The following CDYL2 variants were observed in gnomAD, a reference collection of about 807,000 sequenced individuals.
The protein encoded by CDYL2 is chromodomain Y like 2, also known as chromodomain Y-like protein 2.
Under a neutral mutation model 49.4 loss-of-function variants are expected in CDYL2, and 23 were observed. The ratio of observed to expected loss-of-function variants is 0.47; its 90% CI spans 0.34 to 0.66. The LOEUF (loss-of-function observed/expected upper bound fraction) is 0.66. CDYL2 is among the 30% of genes least tolerant of loss of function. The pLI is 0.01. For synonymous variants in CDYL2, 360 were observed against 268.8 expected, an observed-to-expected ratio of 1.34 and a Z score of -3.32; for missense variants, 678 against 656.4, an observed-to-expected ratio of 1.03 and a Z score of -0.36.
Position 80,787,273 on chromosome 16 carries a change from G to A in CDYL2, c.24+16877C>T, listed in dbSNP as rs572920621. 2.4e-4 allele frequency among the ~76,000 whole-genome samples: 37 copies of A among 152,264 alleles called. 1 individual carries two copies. In the South Asian group the frequency reaches 7.0e-3, roughly 29 times the overall value. On this transcript the variant is annotated intron_variant, in intron 1 of 6. Transcript: ENST00000570137. ...AGCCAGCCAGGAAATGGAACTGAGA[G>A]GTCTTGGGGACAGAATTCATTGTTC...
chr16:80,665,957 A>G (rs1025669070), intron 2 of CDYL2, among the ~76,000 whole-genome samples: 5 of 152,274 alleles, frequency 3.3e-5, no homozygotes, highest in Admixed American at 1.3e-4. Context: ...CCTAGGATCA[A>G]TGAAAAAACG....
intron 2 of CDYL2, among the ~76,000 whole-genome samples, chr16:80,668,991 T>G (rs907030734): frequency 4.6e-5 from 7 of 151,828 alleles, no homozygotes; most frequent in African/African-American, 4.8e-5. Flanking sequence ...ATTTGTAACT[T>G]TAGAAAACAA....
At chr16:80,675,979 G>A (rs1161650084) in intron 2 of CDYL2, among the ~76,000 whole-genome samples, 1 of 152,098 alleles carries the variant, frequency 6.6e-6, no homozygotes, top group African/African-American at 2.4e-5. Context: ...CCTTGACAGT[G>A]GTCAAGACTC....
chr16:80,728,624 C>A (rs977902065), intron 1 of CDYL2, among the ~76,000 whole-genome samples: 1 of 151,568 alleles, frequency 6.6e-6, no homozygotes. Flanking sequence ...TCAAGAAGAG[C>A]AACTCCAAGA....
chr16:80,713,144 A>G (rs1438631427), intron 1 of CDYL2, among the ~76,000 whole-genome samples: 2 of 152,182 alleles, frequency 1.3e-5, no homozygotes, highest in Non-Finnish European at 2.9e-5. Flanking sequence ...GCTGCAGTCT[A>G]TGGCTTTTTC....
chr16:80,629,430 G>C (rs1247720602), intron 3 of CDYL2, among the ~76,000 whole-genome samples: 2 of 152,212 alleles, frequency 1.3e-5, no homozygotes, highest in African/African-American at 2.4e-5. Context: ...GCCACGACAA[G>C]AGCGGTGTGA....
At chr16:80,625,120 C>T (rs1907245444) in intron 3 of CDYL2, among the ~76,000 whole-genome samples, 1 of 152,296 alleles carries the variant, frequency 6.6e-6, no homozygotes, top group African/African-American at 2.4e-5. Flanking sequence ...CATAAAATAA[C>T]ATAAACTTAT....
intron 1 of CDYL2, among the ~76,000 whole-genome samples, chr16:80,686,084 G>A (rs987246535): frequency 1.3e-5 from 2 of 152,154 alleles, no homozygotes; most frequent in African/African-American, 2.4e-5. Context: ...AAGGCAACTC[G>A]CCTACCATGC....
chr16:80,764,957 G>C (rs1597122390), intron 1 of CDYL2, among the ~76,000 whole-genome samples: 1 of 150,958 alleles, frequency 6.6e-6, no homozygotes, highest in East Asian at 1.9e-4. Flanking sequence ...CTACTCAGGA[G>C]GCTGAGGCAG....
intron 1 of CDYL2, among the ~76,000 whole-genome samples, chr16:80,764,678 G>A (rs1334853422): frequency 1.3e-5 from 2 of 152,050 alleles, no homozygotes; most frequent in Non-Finnish European, 2.9e-5. Context: ...TACTGTAGTG[G>A]TCATCGCCAT....
chr16:80,633,353 C>A (rs376978776), intron 2 of CDYL2, 117 bp from the exon 3 acceptor site: 7 of 971,272 alleles, frequency 7.2e-6, no homozygotes, highest in South Asian at 6.3e-5. Flanking sequence ...GGACACACCA[C>A]CTTCTCCCCT....
At chr16:80,669,858 G>A (rs929936662) in intron 2 of CDYL2, among the ~76,000 whole-genome samples, 2 of 152,214 alleles carry the variant, frequency 1.3e-5, no homozygotes, top group African/African-American at 2.4e-5. Context: ...CATGAGGAGA[G>A]TGAGTGCACA....
chr16:80,771,271 T>C (rs1906895667), intron 1 of CDYL2, among the ~76,000 whole-genome samples: 1 of 152,144 alleles, frequency 6.6e-6, no homozygotes, highest in Admixed American at 6.5e-5. Context: ...AACAGACAGG[T>C]GTGACAAGAA....
chr16:80,622,511 C>T (rs966884165), intron 3 of CDYL2, among the ~76,000 whole-genome samples: 8 of 152,108 alleles, frequency 5.3e-5, no homozygotes, highest in Non-Finnish European at 1.0e-4. Flanking sequence ...TATTTGTCCA[C>T]ACTTGCTCAA....
At position 80,632,779 on chromosome 16, in the gene CDYL2, G is replaced by C. The variant is rs1021361383; in HGVS notation, c.834+240C>G. On this transcript the variant is annotated intron_variant, in intron 3 of 6. Coordinates refer to ENST00000570137, the MANE Select transcript of CDYL2 (RefSeq NM_152342.4). ...AGTCTGTGTCCACGATCAGTTCAGT[G>C]AGTCCCTCTCCCCATGGTCTTCATC... The C allele has an allele frequency of 6.2e-6, 3 of 486,348 alleles. No individual in the cohort carries two copies. In the East Asian group the frequency reaches 1.1e-4, roughly 18 times the overall value. 30.1% of individuals were successfully genotyped at this position (486,348 alleles called of 1,614,324 possible). A position where few individuals can be genotyped will look rare whatever the true frequency, so the allele number is the denominator to read the frequency against.
chr16:80,726,922 C>T (rs970285374), intron 1 of CDYL2, among the ~76,000 whole-genome samples: 1 of 152,056 alleles, frequency 6.6e-6, no homozygotes, highest in Non-Finnish European at 1.5e-5. Context: ...GCTGCCTCTA[C>T]AAAAAATTTA....
chr16:80,743,570 C>T (rs1213081937), intron 1 of CDYL2, among the ~76,000 whole-genome samples: 5 of 152,138 alleles, frequency 3.3e-5, no homozygotes, highest in Admixed American at 2.0e-4. Context: ...CCCAGTGAAG[C>T]GGGATTGGCA....
chr16:80,668,340 C>G (rs1002006294), intron 2 of CDYL2, among the ~76,000 whole-genome samples: 2 of 152,110 alleles, frequency 1.3e-5, no homozygotes, highest in African/African-American at 4.8e-5. Context: ...AATGAATAGA[C>G]AGACAGATGA....
chr16:80,804,690 A>G (rs981376178), upstream of CDYL2, among the ~76,000 whole-genome samples: 1 of 146,506 alleles, frequency 6.8e-6, no homozygotes, highest in African/African-American at 2.5e-5. Context: ...GACCGGTCCC[A>G]GAGTCGACTA....
Sources: allele counts gnomAD v4.1 joint callset (sites outside exome capture counted in the v4.1 genomes callset), GRCh38; gene constraint gnomAD v4.1.1; transcripts MANE v1.5; gene names NCBI Gene and HGNC (gene_info 2026-07-23, HGNC 2026-07-21).